Variants in PUM1 observed in about 807,000 individuals in gnomAD.
The protein encoded by PUM1 is pumilio homolog 1.
In PUM1, 13 loss-of-function variants were observed where a neutral mutation model predicts 131.8. That is an observed-to-expected ratio of 0.10 (90% CI 0.06 to 0.16). The LOEUF (loss-of-function observed/expected upper bound fraction) is 0.16, where lower values mean the gene tolerates loss of function less well. Ranked by LOEUF, PUM1 falls within the 10% of genes least tolerant of loss-of-function variation. The pLI is 1.00. For missense variants in PUM1, 961 were observed against 1,512.4 expected, an observed-to-expected ratio of 0.64 and a Z score of 6.05; for synonymous variants, 509 against 556.5, an observed-to-expected ratio of 0.91 and a Z score of 1.20.
chr1:30,968,548 A>G, intron 10 of PUM1, 56 bp from the exon 11 acceptor site: 1 of 1,550,154 alleles, frequency 6.5e-7, no homozygotes, highest in Non-Finnish European at 8.7e-7. Context: ...GAGAAGACCT[A>G]CCCTATGCTC....
chr1:30,962,779 T>C (rs773347589), intron 14 of PUM1, among the ~76,000 whole-genome samples: 1 of 152,180 alleles, frequency 6.6e-6, no homozygotes, highest in Non-Finnish European at 1.5e-5. Context: ...ATTTTGTCTG[T>C]GGTTGCTTTC....
chr1:30,971,429 T>C (rs1358830264), intron 10 of PUM1, among the ~76,000 whole-genome samples: 2 of 152,226 alleles, frequency 1.3e-5, no homozygotes, highest in East Asian at 3.8e-4. Flanking sequence ...ACAGAACCTG[T>C]AGGGAATGAC....
At chr1:30,990,314 A>ACAAAT (rs1641737879) in intron 7 of PUM1, among the ~76,000 whole-genome samples, 2 of 152,344 alleles carry the variant, frequency 1.3e-5, no homozygotes, top group African/African-American at 4.8e-5. Context: ...AGTAATCACA[A>ACAAAT]CACAAGACAA....
chr1:30,994,927 A>G, intron 6 of PUM1, 127 bp downstream of exon 6: 1 of 1,016,706 alleles, frequency 9.8e-7, no homozygotes, highest in Non-Finnish European at 1.4e-6. Flanking sequence ...CATAGCCTAC[A>G]CTAGATTGGA....
rs1204820300 is a variant in PUM1, at chr1:30,959,047, A to C, written c.2324-5066T>G. Among the ~76,000 whole-genome samples, 5 of 152,232 alleles carry C rather than the reference A, an allele frequency of 3.3e-5. No individual in the cohort carries two copies. The East Asian group carries it at 9.6e-4, about 29-fold the overall frequency. On this transcript the variant is annotated intron_variant, in intron 14 of 21. Transcript: ENST00000426105. ...TAGATGAAATGGACAAATTCCTAGA[A>C]GGTCACAAATTATCAAAACTGACTC...
At chr1:30,977,416 C>T (rs951121493) in intron 9 of PUM1, among the ~76,000 whole-genome samples, 2 of 152,172 alleles carry the variant, frequency 1.3e-5, no homozygotes, top group African/African-American at 2.4e-5. Flanking sequence ...CCAACAAAAG[C>T]GAGCCTCTAC....
intron 2 of PUM1, among the ~76,000 whole-genome samples, chr1:31,053,690 T>A (rs908681298): frequency 6.6e-6 from 1 of 151,024 alleles, no homozygotes; most frequent in Middle Eastern, 3.2e-3. Flanking sequence ...TCCAGGCTGC[T>A]CTCGAACTCC....
chr1:30,938,940 C>T lies in PUM1; in HGVS notation c.3243-2105G>A, dbSNP rs376829000. On this transcript the variant is annotated intron_variant, in intron 20 of 21. Transcript: ENST00000426105. ...ACAGACAGACAGACAGACAGACAGA[C>T]AGACAGATAGACAGATAGACAGATA... is the stretch of plus-strand genomic sequence containing the variant. Among the ~76,000 whole-genome samples the T allele has an allele frequency of 3.1e-3, 359 of 114,158 alleles. 3 individuals carry two copies. Among genetic ancestry groups the T allele is most frequent in the South Asian group, 0.029 (96 of 3,256 alleles). The allele number at this position is 114,158 out of a possible 152,430, so 74.9% of individuals were successfully genotyped here.
intron 3 of PUM1, among the ~76,000 whole-genome samples, chr1:31,023,146 C>A (rs1333971084): frequency 1.3e-5 from 2 of 149,468 alleles, no homozygotes; most frequent in Non-Finnish European, 3.0e-5. Flanking sequence ...TGCACTCCAG[C>A]GTGGGTGACA....
At chr1:30,946,107 AT>A (rs1270765534) in intron 17 of PUM1, among the ~76,000 whole-genome samples, 1 of 152,178 alleles carries the variant, frequency 6.6e-6, no homozygotes, top group African/African-American at 2.4e-5. Flanking sequence ...TTAAAAAAAA[AT>A]AAAGGGTAGA....
rs141389856 is a variant in PUM1 at position 31,022,567 on chromosome 1, G to C, written c.432+6229C>G. Among the ~76,000 whole-genome samples the C allele has an allele frequency of 9.8e-5, 15 of 152,286 alleles. No individual in the cohort carries two copies. The East Asian group carries it at 2.9e-3, about 29-fold the overall frequency. ...GGGAACTACGTTCCAAATCAGTTATGACCACATTTCCTGGGTTAGAAAACA... is the reference window on the plus strand; with the variant it reads ...GGGAACTACGTTCCAAATCAGTTATCACCACATTTCCTGGGTTAGAAAACA... On this transcript the variant is annotated intron_variant, in intron 3 of 21. Transcript: ENST00000426105.
At chr1:30,944,918 A>C (rs928735081) in intron 18 of PUM1, among the ~76,000 whole-genome samples, 6 of 152,202 alleles carry the variant, frequency 3.9e-5, no homozygotes, top group African/African-American at 1.2e-4. Flanking sequence ...ACTATACAGG[A>C]CTGCTTTTTA....
Position 30,950,393 on chromosome 1 carries a change from C to T in PUM1, c.2722-132G>A, listed in dbSNP as rs1321930301. 3 of 878,348 alleles carry T rather than the reference C, an allele frequency of 3.4e-6. No homozygotes were observed. In the African/African-American group the frequency reaches 5.1e-5, roughly 15 times the overall value. 54.4% of individuals were successfully genotyped at this position (878,348 alleles called of 1,614,324 possible). A position where few individuals can be genotyped will look rare whatever the true frequency, so the allele number is the denominator to read the frequency against. ...GCCCTGATACCCATGATTAACTAAA[C>T]CTTTTATTTAAAGAGCCATTGCTTC... On this transcript the variant is annotated intron_variant, in intron 16 of 21. Transcript: ENST00000426105.
rs112481511 is a variant in PUM1, at chr1:31,046,311, G to A, written c.363+12893C>T. ...TAAGGCAGGAGAATTGCTTGAACCC[G>A]GGAGGTGGAGGTTGCGGTGAGCCGA... On this transcript the variant is annotated intron_variant, in intron 2 of 21. Coordinates refer to ENST00000426105, the MANE Select transcript of PUM1 (RefSeq NM_001020658.2). Among the ~76,000 whole-genome samples the A allele has an allele frequency of 3.4e-3, 506 of 147,810 alleles. 3 individuals carry two copies. Among genetic ancestry groups the A allele is most frequent in the Middle Eastern group, 8.1e-3 (2 of 248 alleles).
chr1:30,939,340 G>A (rs1311495296), intron 20 of PUM1, among the ~76,000 whole-genome samples: 1 of 152,204 alleles, frequency 6.6e-6, no homozygotes, highest in Non-Finnish European at 1.5e-5. Context: ...AGCCTTAGCT[G>A]GAAATGTGGT....
intron 20 of PUM1, among the ~76,000 whole-genome samples, chr1:30,940,346 T>C (rs1467621519): frequency 6.6e-6 from 1 of 152,088 alleles, no homozygotes; most frequent in East Asian, 1.9e-4. Context: ...CGTGGTGGCG[T>C]GCGCCTGCAG....
intron 2 of PUM1, among the ~76,000 whole-genome samples, chr1:31,039,853 G>A (rs1643763695): frequency 6.6e-6 from 1 of 151,910 alleles, no homozygotes; most frequent in African/African-American, 2.4e-5. Context: ...GAGACAGAAA[G>A]CTGAGATGCT....
chr1:31,041,844 C>T (rs146880899), intron 2 of PUM1, among the ~76,000 whole-genome samples: 178 of 151,956 alleles, frequency 1.2e-3, no homozygotes, highest in Non-Finnish European at 2.1e-3. Context: ...TTTATAGCAA[C>T]ACAAAATGGA....
chr1:31,059,701 G>T (rs1360272954), intron 1 of PUM1, 124 bp from the exon 2 acceptor site: 1 of 1,157,536 alleles, frequency 8.6e-7, no homozygotes, highest in African/African-American at 1.6e-5. Flanking sequence ...CATGCACTCT[G>T]GCAAGGTATT....
Sources: allele counts gnomAD v4.1 joint callset (sites outside exome capture counted in the v4.1 genomes callset), GRCh38; gene constraint gnomAD v4.1.1; transcripts MANE v1.5; gene names NCBI Gene and HGNC (gene_info 2026-07-23, HGNC 2026-07-21).